CTNNA3: variants seen among roughly 807,000 people sequenced by gnomAD.
CTNNA3 encodes catenin alpha 3.
In CTNNA3, 76 loss-of-function variants were observed where a neutral mutation model predicts 95.7. That is an observed-to-expected ratio of 0.79 (90% confidence interval 0.66 to 0.96). CTNNA3 has a LOEUF of 0.96. Among genes scored for constraint, CTNNA3 ranks in the 40% least tolerant of loss-of-function variants. The pLI, the probability that CTNNA3 is intolerant of heterozygous loss-of-function variation, is 0.00. For missense variants in CTNNA3, 1,191 were observed against 1,089.8 expected, an observed-to-expected ratio of 1.09 and a Z score of -1.31; for synonymous variants, 431 against 374.4, an observed-to-expected ratio of 1.15 and a Z score of -1.74.
chr10:67,302,187 T>C (rs1255567388), intron 5 of CTNNA3, among the ~76,000 whole-genome samples: 1 of 151,974 alleles, frequency 6.6e-6, no homozygotes, highest in Non-Finnish European at 1.5e-5. Context: ...TACCAAATGA[T>C]CTCATTTATA....
intron 7 of CTNNA3, among the ~76,000 whole-genome samples, chr10:67,035,156 CCAAGTA>C (rs1168664902): frequency 1.3e-5 from 2 of 152,116 alleles, no homozygotes; most frequent in Non-Finnish European, 2.9e-5. Context: ...CTTGCTGATA[CCAAGTA>C]CAAGTTCCTT....
chr10:67,137,096 C>G lies in CTNNA3; in HGVS notation c.1047+43221G>C, dbSNP rs114961374. On this transcript the variant is annotated intron_variant, in intron 7 of 17. Transcript: ENST00000433211. ...GATGAGGAGAGGCAGGAGGACAGAC[C>G]CGAAACATTCAGAAAGACAGATGCC... Among the ~76,000 whole-genome samples the G allele has an allele frequency of 9.0e-3, 1,376 of 152,092 alleles. 29 individuals carry two copies. The highest frequency in any genetic ancestry group is 0.032 in the African/African-American group (1,311 of 41,508).
chr10:66,392,847 T>C (rs920948639), intron 11 of CTNNA3, among the ~76,000 whole-genome samples: 1 of 152,116 alleles, frequency 6.6e-6, no homozygotes, highest in African/African-American at 2.4e-5. Flanking sequence ...CAGCAGTTGC[T>C]TACAAAAGTA....
intron 13 of CTNNA3, among the ~76,000 whole-genome samples, chr10:66,196,426 C>A (rs1045573993): frequency 6.6e-6 from 1 of 152,204 alleles, no homozygotes; most frequent in African/African-American, 2.4e-5. Context: ...AAAGACCCAA[C>A]TGGTTGCTTG....
At position 67,696,046 on chromosome 10, in the gene CTNNA3, C is replaced by T. The variant is rs1243804148; in HGVS notation, c.-52G>A. 1.3e-5 allele frequency: 2 copies of T among 151,454 alleles called. No homozygotes were observed. Among genetic ancestry groups the T allele is most frequent in the South Asian group, 2.1e-4 (1 of 4,804 alleles). The allele number at this position is 151,454 out of a possible 1,614,324, so 9.4% of individuals were successfully genotyped here. A position where few individuals can be genotyped will look rare whatever the true frequency, so the allele number is the denominator to read the frequency against. On this transcript the variant is annotated 5_prime_UTR_variant, in exon 1 of 18. Transcript: ENST00000433211. The stretch of plus-strand genomic sequence containing the variant: ...GTAAATGGGCTTAAAATTCAGCTCC[C>T]GTAGGGAATTTTCCAAAAAGAGCTT...
intron 9 of CTNNA3, among the ~76,000 whole-genome samples, chr10:66,633,993 T>C (rs536210164): frequency 6.6e-6 from 1 of 152,296 alleles, no homozygotes; most frequent in South Asian, 2.1e-4. Flanking sequence ...ATCTCATTTA[T>C]GAAAGATGGT....
intron 9 of CTNNA3, among the ~76,000 whole-genome samples, chr10:66,687,972 G>A (rs757491497): frequency 2.0e-5 from 3 of 152,116 alleles, no homozygotes; most frequent in African/African-American, 7.2e-5. Flanking sequence ...GAGCTTGGAA[G>A]AAGAAAGGAA....
chr10:66,594,660 G>T (rs567170947), intron 10 of CTNNA3, among the ~76,000 whole-genome samples: 1 of 152,144 alleles, frequency 6.6e-6, no homozygotes, highest in African/African-American at 2.4e-5. Flanking sequence ...GTCACCATCT[G>T]TAGCAAGGCA....
intron 6 of CTNNA3, among the ~76,000 whole-genome samples, chr10:67,197,141 A>C (rs1326373780): frequency 2.0e-5 from 3 of 152,114 alleles, no homozygotes. Flanking sequence ...TTCTATGTCC[A>C]TGAGGCTTAT....
chr10:66,173,870 C>T (rs982132181), intron 13 of CTNNA3, among the ~76,000 whole-genome samples: 2 of 152,078 alleles, frequency 1.3e-5, no homozygotes, highest in South Asian at 2.1e-4. Flanking sequence ...TCCAGGTACT[C>T]TTATAAGCAT....
intron 13 of CTNNA3, among the ~76,000 whole-genome samples, chr10:66,182,179 A>C (rs543647985): frequency 6.6e-6 from 1 of 152,218 alleles, no homozygotes; most frequent in East Asian, 1.9e-4. Flanking sequence ...CTTACAATCA[A>C]GTATGGGAGC....
At chr10:67,630,053 G>C (rs954192826) in intron 2 of CTNNA3, among the ~76,000 whole-genome samples, 2 of 152,070 alleles carry the variant, frequency 1.3e-5, no homozygotes, top group African/African-American at 4.8e-5. Context: ...CACGTCACAG[G>C]GTTCTTGCCA....
At chr10:67,018,850 A>G (rs1231788337) in intron 7 of CTNNA3, among the ~76,000 whole-genome samples, 4 of 152,242 alleles carry the variant, frequency 2.6e-5, no homozygotes, top group Non-Finnish European at 4.4e-5. Flanking sequence ...CCAGGCATTC[A>G]GTGTATAAGA....
At chr10:67,720,132 T>C (rs1841171238) in intron 1 of CTNNA3, among the ~76,000 whole-genome samples, 1 of 73,470 alleles carries the variant, frequency 1.4e-5, no homozygotes, top group African/African-American at 4.9e-5. Flanking sequence ...ACCCCTGCTT[T>C]TTTTTTTTTT....
chr10:67,351,128 T>TAC (rs1842621625), intron 5 of CTNNA3, among the ~76,000 whole-genome samples: 1 of 102,942 alleles, frequency 9.7e-6, no homozygotes, highest in Non-Finnish European at 2.2e-5. Flanking sequence ...CAAAAGGCTA[T>TAC]AGTATGATTC....
At position 66,412,751 on chromosome 10, in the gene CTNNA3, G is replaced by A. The variant is rs529789858; in HGVS notation, c.1532-33399C>T. Among the ~76,000 whole-genome samples, 6 of 151,840 alleles carry A rather than the reference G, an allele frequency of 4.0e-5. No individual in the cohort carries two copies. In the South Asian group the frequency reaches 6.2e-4, roughly 16 times the overall value. On this transcript the variant is annotated intron_variant, in intron 11 of 17. Coordinates refer to ENST00000433211, the MANE Select transcript of CTNNA3 (RefSeq NM_013266.4). ...TGGGATTACAGGCATTAGTCACCGCGCCTGGCCCCAAATATTAATTTTTAT... is the reference window on the plus strand; with the variant it reads ...TGGGATTACAGGCATTAGTCACCGCACCTGGCCCCAAATATTAATTTTTAT...
intron 16 of CTNNA3, among the ~76,000 whole-genome samples, chr10:65,978,170 T>C (rs917416364): frequency 5.9e-5 from 9 of 152,114 alleles, no homozygotes; most frequent in African/African-American, 1.9e-4. Flanking sequence ...CCTACTAAAA[T>C]GTTTCAATGC....
In CTNNA3 at chr10:67,607,620, C is replaced by A. The variant is rs1001163990; in HGVS notation, c.100-571G>T. On this transcript the variant is annotated intron_variant, in intron 2 of 17. Coordinates refer to ENST00000433211, the MANE Select transcript of CTNNA3 (RefSeq NM_013266.4). ...TGATTAAAAGTGAACCTGCATAGTT[C>A]AAACCAGTGTTGTTCAAAGGTCAAC... 6.6e-5 allele frequency among the ~76,000 whole-genome samples: 10 copies of A among 152,244 alleles called. No individual in the cohort carries two copies. In the East Asian group the frequency reaches 1.7e-3, roughly 26 times the overall value.
chr10:66,700,348 G>A (rs1210273819), intron 9 of CTNNA3, among the ~76,000 whole-genome samples: 3 of 151,148 alleles, frequency 2.0e-5, no homozygotes, highest in Non-Finnish European at 3.0e-5. Flanking sequence ...CTCTTTGCCT[G>A]TGGATATCCA....
Sources: gnomAD v4.1 joint callset for allele counts (sites outside exome capture counted in the v4.1 genomes callset) on GRCh38, gnomAD v4.1.1 for gene constraint, MANE v1.5 for transcripts, NCBI Gene and HGNC (gene_info 2026-07-23, HGNC 2026-07-21) for gene names.